USP28: variants seen among roughly 807,000 people sequenced by gnomAD.
USP28 encodes the protein ubiquitin specific peptidase 28.
USP28 carries 113 observed loss-of-function variants against 145.0 expected under a neutral mutation model. The ratio of observed to expected loss-of-function variants is 0.78; its 90% CI spans 0.67 to 0.91. The LOEUF is 0.91. USP28 is among the 40% of genes least tolerant of loss of function. The probability of loss-of-function intolerance (pLI) is 0.00; values close to 1 mark genes in which losing one functional copy is unlikely to be tolerated. For missense variants in USP28, 1,201 were observed against 1,289.6 expected (o/e 0.93, Z 1.05); for synonymous variants, 447 against 450.9 (o/e 0.99, Z 0.11).
At chr11:113,823,965 C>G (rs1230966161) in intron 11 of USP28, among the ~76,000 whole-genome samples, 2 of 151,914 alleles carry the variant, frequency 1.3e-5, no homozygotes, top group Non-Finnish European at 2.9e-5. Flanking sequence ...GAAAGGCATG[C>G]AGATAGTAAA....
chr11:113,861,367 C>T (rs1479863129), intron 1 of USP28, among the ~76,000 whole-genome samples: 1 of 152,098 alleles, frequency 6.6e-6, no homozygotes, highest in East Asian at 1.9e-4. Flanking sequence ...CTGAAATAGA[C>T]TACTTGATAA....
At chr11:113,857,012 G>A (rs138244940) in intron 1 of USP28, among the ~76,000 whole-genome samples, 18 of 152,252 alleles carry the variant, frequency 1.2e-4, no homozygotes, top group African/African-American at 4.1e-4. Context: ...GAAGTAGAGA[G>A]GTAAATATTA....
At chr11:113,828,663 T>A (rs539324007) in intron 10 of USP28, among the ~76,000 whole-genome samples, 2 of 152,318 alleles carry the variant, frequency 1.3e-5, no homozygotes, top group South Asian at 4.1e-4. Flanking sequence ...CTAACTGGAA[T>A]ACTGAGATGT....
chr11:113,820,982 A>G, intron 12 of USP28: 1 of 173,038 alleles, frequency 5.8e-6, no homozygotes, highest in Middle Eastern at 7.7e-4. Flanking sequence ...GTCCCAATTC[A>G]GCAGATTCTT....
At chr11:113,816,534 A>G (rs528066241) in intron 13 of USP28, among the ~76,000 whole-genome samples, 4 of 151,988 alleles carry the variant, frequency 2.6e-5, no homozygotes, top group Non-Finnish European at 5.9e-5. Context: ...AAACAAACAA[A>G]CAAAAAAACC....
chr11:113,873,542 T>C (rs972954670), intron 1 of USP28, among the ~76,000 whole-genome samples: 8 of 152,220 alleles, frequency 5.3e-5, no homozygotes, highest in African/African-American at 1.7e-4. Flanking sequence ...TAAATGAAGA[T>C]GCCACTGATT....
intron 1 of USP28, among the ~76,000 whole-genome samples, chr11:113,872,560 C>T (rs1948932048): frequency 6.6e-6 from 1 of 151,522 alleles, no homozygotes; most frequent in African/African-American, 2.4e-5. Flanking sequence ...CACTGACTTA[C>T]TGATGTTTTA....
At chr11:113,808,011 G>A (rs772332902) in intron 18 of USP28, 213 of 1,217,094 alleles carry the variant, frequency 1.8e-4, no homozygotes, top group Non-Finnish European at 2.1e-4. Flanking sequence ...TGGGAATCTC[G>A]ACTTCAGAGA....
chr11:113,812,056 A>G (rs1941069320), intron 16 of USP28, among the ~76,000 whole-genome samples: 1 of 152,210 alleles, frequency 6.6e-6, no homozygotes, highest in Non-Finnish European at 1.5e-5. Flanking sequence ...AAGAAACCTA[A>G]CATTGTGTAC....
At chr11:113,838,423 T>C (rs894961487) in intron 5 of USP28, among the ~76,000 whole-genome samples, 3 of 152,160 alleles carry the variant, frequency 2.0e-5, no homozygotes, top group African/African-American at 7.2e-5. Context: ...TCCCAAATCT[T>C]CATCATGACC....
intron 1 of USP28, among the ~76,000 whole-genome samples, chr11:113,857,233 T>C (rs1259068966): frequency 1.3e-5 from 2 of 152,218 alleles, no homozygotes; most frequent in African/African-American, 4.8e-5. Flanking sequence ...TGATAGGCAA[T>C]TCTTTCACAT....
chr11:113,803,565 A>G (rs1939425067), intron 22 of USP28, among the ~76,000 whole-genome samples: 1 of 152,214 alleles, frequency 6.6e-6, no homozygotes, highest in East Asian at 1.9e-4. Context: ...TTCATTGATC[A>G]CAAAGACAGC....
At chr11:113,826,541 A>G (rs919401634) in intron 11 of USP28, among the ~76,000 whole-genome samples, 5 of 151,558 alleles carry the variant, frequency 3.3e-5, no homozygotes, top group Admixed American at 3.3e-4. Context: ...TCCTGCGCTC[A>G]AGATATCTGC....
intron 9 of USP28, among the ~76,000 whole-genome samples, chr11:113,829,674 A>G (rs1943763583): frequency 6.6e-6 from 1 of 152,002 alleles, no homozygotes; most frequent in Non-Finnish European, 1.5e-5. Flanking sequence ...AAAAAATAAA[A>G]ATTATCCGGG....
At position 113,835,569 on chromosome 11, in the gene USP28, C is replaced by T. The variant is rs181678383; in HGVS notation, c.535-1234G>A. On this transcript the variant is annotated intron_variant, in intron 5 of 24. Coordinates refer to ENST00000003302, the Ensembl canonical transcript of USP28. ...ACCCAGGTCATGCTGCACCAAAGTT[C>T]TCTCTGGGACCAGGGCTTGGCTGGT... Among the ~76,000 whole-genome samples the T allele has an allele frequency of 3.9e-5, 6 of 152,218 alleles. No individual in the cohort carries two copies. The South Asian group carries it at 1.2e-3, about 31-fold the overall frequency.
At chr11:113,821,290 C>T (rs372783052) in intron 12 of USP28, 10 of 223,988 alleles carry the variant, frequency 4.5e-5, no homozygotes, top group African/African-American at 1.6e-4. Context: ...AGCACATCTC[C>T]GCTGTAGCTG....
At chr11:113,870,324 C>T (rs577149490) in intron 1 of USP28, among the ~76,000 whole-genome samples, 10 of 152,210 alleles carry the variant, frequency 6.6e-5, no homozygotes, top group African/African-American at 2.4e-4. Flanking sequence ...CCCAGGAGTT[C>T]AAGACCAGCC....
At chr11:113,867,368 G>C (rs1196379553) in intron 1 of USP28, among the ~76,000 whole-genome samples, 1 of 151,976 alleles carries the variant, frequency 6.6e-6, no homozygotes, top group Non-Finnish European at 1.5e-5. Context: ...CCGGGTTCAA[G>C]TGATTCTCCT....
chr11:113,845,585 T>C (rs1945739723), intron 3 of USP28, among the ~76,000 whole-genome samples: 1 of 152,012 alleles, frequency 6.6e-6, no homozygotes, highest in Non-Finnish European at 1.5e-5. Context: ...TAAAGCAGGG[T>C]CTTTTTTTGA....
Sources: allele counts gnomAD v4.1 joint callset (sites outside exome capture counted in the v4.1 genomes callset), GRCh38; gene constraint gnomAD v4.1.1; transcripts MANE v1.5; gene names NCBI Gene and HGNC (gene_info 2026-07-23, HGNC 2026-07-21).